SGCZ: variants seen among roughly 807,000 people sequenced by gnomAD.
The protein encoded by SGCZ is sarcoglycan zeta.
A neutral mutation model predicts 41.3 loss-of-function variants in SGCZ; 40 were observed. The ratio of observed to expected loss-of-function variants is 0.97; its 90% CI spans 0.75 to 1.26. The LOEUF (loss-of-function observed/expected upper bound fraction) is 1.26, where lower values mean the gene tolerates loss of function less well. Ranked by LOEUF, SGCZ falls within the 50% of genes most tolerant of loss-of-function variation. SGCZ has a pLI of 0.00. For synonymous variants in SGCZ, 206 were observed against 137.5 expected, an observed-to-expected ratio of 1.50 and a Z score of -3.49; for missense variants, 552 against 369.8, an observed-to-expected ratio of 1.49 and a Z score of -4.04.
chr8:14,607,885 C>A (rs2117330835), intron 1 of SGCZ, among the ~76,000 whole-genome samples: 1 of 152,160 alleles, frequency 6.6e-6, no homozygotes, highest in Middle Eastern at 3.4e-3. Flanking sequence ...GAGTACTACT[C>A]AAAAACAATT....
intron 1 of SGCZ, among the ~76,000 whole-genome samples, chr8:15,123,858 T>C (rs995501252): frequency 1.3e-5 from 2 of 152,050 alleles, no homozygotes; most frequent in East Asian, 3.9e-4. Flanking sequence ...GAAGAAAACG[T>C]ATTTCAGGTA....
At chr8:14,434,696 T>C (rs13265496) in intron 2 of SGCZ, among the ~76,000 whole-genome samples, 31,750 of 152,042 alleles carry the variant, frequency 0.21, 3,877 homozygotes, top group Non-Finnish European at 0.29. Context: ...CTTGGCTAGG[T>C]ATAGTTCCAA....
chr8:14,830,094 G>C lies in SGCZ; in HGVS notation c.40-275168C>G, dbSNP rs551822278. On this transcript the variant is annotated intron_variant, in intron 1 of 7. Coordinates refer to ENST00000382080, the MANE Select transcript of SGCZ (RefSeq NM_139167.4). ...CAAAGTGCTGGGATTACAGGCATGA[G>C]CCACCGCACCCGGCCTTATGTTTGT... 2.0e-5 allele frequency among the ~76,000 whole-genome samples: 3 copies of C among 152,310 alleles called. No homozygotes were observed. The South Asian group carries it at 6.2e-4, about 32-fold the overall frequency.
chr8:15,044,214 A>T (rs993640860), intron 1 of SGCZ, among the ~76,000 whole-genome samples: 2 of 152,166 alleles, frequency 1.3e-5, no homozygotes, highest in Non-Finnish European at 2.9e-5. Context: ...ACAAAACCTC[A>T]CACTGCACTT....
chr8:14,757,506 A>G (rs764032746), intron 1 of SGCZ, among the ~76,000 whole-genome samples: 14 of 152,184 alleles, frequency 9.2e-5, no homozygotes, highest in Non-Finnish European at 1.6e-4. Context: ...TTCAGAGAAT[A>G]GAAACCTCAG....
chr8:14,217,114 T>A (rs193090520), intron 4 of SGCZ, among the ~76,000 whole-genome samples: 18 of 152,048 alleles, frequency 1.2e-4, no homozygotes, highest in Admixed American at 1.0e-3. Flanking sequence ...AGTTAAACCC[T>A]GTCTATACTA....
At chr8:15,186,678 T>C (rs1800356202) in intron 1 of SGCZ, among the ~76,000 whole-genome samples, 1 of 152,196 alleles carries the variant, frequency 6.6e-6, no homozygotes, top group Non-Finnish European at 1.5e-5. Context: ...AGGTGAGCAA[T>C]CAATAAGTAT....
chr8:14,866,948 T>C (rs865844911), intron 1 of SGCZ, among the ~76,000 whole-genome samples: 21 of 152,186 alleles, frequency 1.4e-4, no homozygotes, highest in African/African-American at 3.1e-4. Context: ...CGCTGTTTTG[T>C]TTGTTTGTTT....
intron 1 of SGCZ, among the ~76,000 whole-genome samples, chr8:15,222,772 T>TGC (rs751940341): frequency 4.0e-5 from 6 of 151,684 alleles, no homozygotes; most frequent in Non-Finnish European, 8.8e-5. Context: ...TGTGTGTGTC[T>TGC]GTGTGTGTGT....
intron 1 of SGCZ, among the ~76,000 whole-genome samples, chr8:15,114,177 A>C (rs1470102384): frequency 6.6e-6 from 1 of 152,148 alleles, no homozygotes; most frequent in African/African-American, 2.4e-5. Flanking sequence ...TCTCTAGGTA[A>C]TCAAGTTTCT....
intron 1 of SGCZ, among the ~76,000 whole-genome samples, chr8:14,982,819 C>A (rs1047161199): frequency 6.6e-6 from 1 of 152,168 alleles, no homozygotes; most frequent in Admixed American, 6.5e-5. Flanking sequence ...GAAATATTCA[C>A]TTATTTGGCC....
At chr8:14,289,772 G>A (rs1244113520) in intron 3 of SGCZ, among the ~76,000 whole-genome samples, 2 of 151,042 alleles carry the variant, frequency 1.3e-5, no homozygotes, top group African/African-American at 4.9e-5. Flanking sequence ...TAGAAGAACT[G>A]TATTAGTCCA....
intron 1 of SGCZ, among the ~76,000 whole-genome samples, chr8:14,741,551 T>A (rs565839822): frequency 4.6e-5 from 7 of 152,204 alleles, no homozygotes; most frequent in African/African-American, 1.7e-4. Flanking sequence ...GTATTTACAT[T>A]CAAAACATTA....
intron 4 of SGCZ, among the ~76,000 whole-genome samples, chr8:14,226,823 G>T (rs962389781): frequency 4.6e-5 from 7 of 152,206 alleles, no homozygotes; most frequent in African/African-American, 1.4e-4. Context: ...CTAGCAGCAG[G>T]AGTATAAAAG....
At chr8:15,021,643 G>A (rs1803252013) in intron 1 of SGCZ, among the ~76,000 whole-genome samples, 1 of 152,180 alleles carries the variant, frequency 6.6e-6, no homozygotes, top group Non-Finnish European at 1.5e-5. Context: ...CCCTGCGTGG[G>A]ATGTGACGTG....
intron 1 of SGCZ, among the ~76,000 whole-genome samples, chr8:14,784,980 T>TA (rs1290720568): frequency 3.5e-5 from 5 of 142,582 alleles, no homozygotes; most frequent in South Asian, 4.3e-4. Context: ...ATATATATTT[T>TA]TTATATATTA....
At chr8:14,260,432 A>G (rs1163143720) in intron 3 of SGCZ, among the ~76,000 whole-genome samples, 1 of 144,444 alleles carries the variant, frequency 6.9e-6, no homozygotes, top group Non-Finnish European at 1.5e-5. Context: ...GCGATCATTA[A>G]AAAGTCAGGA....
intron 1 of SGCZ, among the ~76,000 whole-genome samples, chr8:15,035,839 A>C (rs1803855830): frequency 1.3e-5 from 2 of 152,136 alleles, no homozygotes; most frequent in African/African-American, 2.4e-5. Flanking sequence ...ATATCAAGCA[A>C]ATATTAATAG....
intron 1 of SGCZ, among the ~76,000 whole-genome samples, chr8:14,645,065 G>A (rs560909141): frequency 3.2e-4 from 49 of 151,648 alleles, no homozygotes; most frequent in Non-Finnish European, 6.6e-4. Flanking sequence ...AAAGGCTTAG[G>A]AATTTTTATA....
Sources: allele counts gnomAD v4.1 joint callset (sites outside exome capture counted in the v4.1 genomes callset), GRCh38; gene constraint gnomAD v4.1.1; transcripts MANE v1.5; gene names NCBI Gene and HGNC (gene_info 2026-07-23, HGNC 2026-07-21).